Variants in MIER1 observed in about 807,000 individuals in gnomAD.
The protein encoded by MIER1 is MIER1 transcriptional regulator, also known as mesoderm induction early response protein 1.
MIER1 carries 40 observed loss-of-function variants against 75.7 expected under a neutral mutation model. That is an observed-to-expected ratio of 0.53 (90% CI 0.41 to 0.69). MIER1 has a LOEUF of 0.69. MIER1 is among the 30% of genes least tolerant of loss of function. The probability of loss-of-function intolerance (pLI) is 0.00; values close to 1 mark genes in which losing one functional copy is unlikely to be tolerated. For missense variants in MIER1, 574 were observed against 680.2 expected (o/e 0.84, Z 1.74); for synonymous variants, 213 against 223.4 (o/e 0.95, Z 0.42).
chr1:66,945,876 T>C (rs1392102091), intron 3 of MIER1, among the ~76,000 whole-genome samples: 2 of 152,198 alleles, frequency 1.3e-5, no homozygotes, highest in African/African-American at 2.4e-5. Context: ...ATTGAGACTT[T>C]TTTCCACACG....
chr1:66,925,458 C>T, intron 1 of MIER1: 3 of 985,440 alleles, frequency 3.0e-6, no homozygotes, highest in Non-Finnish European at 3.6e-6. Flanking sequence ...CCTGCTGTGG[C>T]TCCGCCTCTT....
At chr1:66,942,947 T>A (rs1051701383) in intron 3 of MIER1, among the ~76,000 whole-genome samples, 35 of 152,182 alleles carry the variant, frequency 2.3e-4, no homozygotes, top group Admixed American at 2.3e-3. Context: ...TGAATTTTTT[T>A]AAAAGTCAAT....
chr1:66,934,704 TATG>T (rs1654346181), intron 2 of MIER1, among the ~76,000 whole-genome samples: 1 of 152,164 alleles, frequency 6.6e-6, no homozygotes, highest in African/African-American at 2.4e-5. Flanking sequence ...CCTTATTTTC[TATG>T]ATATCATTTT....
chr1:66,941,800 G>A (rs1001443066), intron 3 of MIER1, among the ~76,000 whole-genome samples: 5 of 151,956 alleles, frequency 3.3e-5, no homozygotes, highest in African/African-American at 9.7e-5. Context: ...GTGAAATCTC[G>A]TCTCTTCTAA....
At chr1:66,949,278 T>A (rs1277174699) in intron 4 of MIER1, among the ~76,000 whole-genome samples, 5 of 152,178 alleles carry the variant, frequency 3.3e-5, no homozygotes, top group African/African-American at 1.2e-4. Context: ...TTTTTTCTAT[T>A]TCAGAAAATG....
chr1:66,937,653 A>G (rs1655237620), intron 2 of MIER1, among the ~76,000 whole-genome samples: 1 of 152,218 alleles, frequency 6.6e-6, no homozygotes, highest in Non-Finnish European at 1.5e-5. Context: ...ATTTTATTTC[A>G]TATCTAAATA....
chr1:66,984,344 G>A (rs1282882753), intron 13 of MIER1, among the ~76,000 whole-genome samples: 1 of 152,106 alleles, frequency 6.6e-6, no homozygotes, highest in African/African-American at 2.4e-5. Context: ...ACAACCCTGT[G>A]AGGAATATCT....
At chr1:66,930,102 C>G (rs982987759) in intron 2 of MIER1, 6 of 810,186 alleles carry the variant, frequency 7.4e-6, no homozygotes, top group African/African-American at 3.6e-5. Context: ...ACTCCGCCCC[C>G]TCCGCTCTTC....
chr1:66,985,589 A>T lies in MIER1; in HGVS notation c.*689A>T, dbSNP rs1666668419. 1 of 985,224 alleles carries T rather than the reference A, an allele frequency of 1.0e-6. No homozygotes were observed. Among genetic ancestry groups the T allele is most frequent in the South Asian group, 4.7e-5 (1 of 21,292 alleles). 61.0% of individuals were successfully genotyped at this position (985,224 alleles called of 1,614,324 possible). A position where few individuals can be genotyped will look rare whatever the true frequency, so the allele number is the denominator to read the frequency against. On this transcript the variant is annotated 3_prime_UTR_variant, in exon 14 of 14. Coordinates refer to ENST00000401041, the MANE Select transcript of MIER1 (RefSeq NM_001077700.3). Reference sequence around the variant, plus strand: ...TCTTTGTAGCCTTTGAAAGATTTTTACAGTACATATGTCTTGACTGAGCTG... The same window carrying T: ...TCTTTGTAGCCTTTGAAAGATTTTTTCAGTACATATGTCTTGACTGAGCTG...
chr1:66,957,440 G>T (rs1427731006), intron 4 of MIER1, among the ~76,000 whole-genome samples: 1 of 152,092 alleles, frequency 6.6e-6, no homozygotes, highest in Non-Finnish European at 1.5e-5. Context: ...TCGCATCTAT[G>T]AAATGGAAAT....
chr1:66,951,225 G>T (rs1379413241), intron 4 of MIER1, among the ~76,000 whole-genome samples: 1 of 151,940 alleles, frequency 6.6e-6, no homozygotes, highest in African/African-American at 2.4e-5. Context: ...ACCTTCCCAG[G>T]CTCATGTGAT....
chr1:66,925,966 T>C (rs1651641878), intron 1 of MIER1, among the ~76,000 whole-genome samples, 176 bp from the exon 2 acceptor site: 1 of 152,244 alleles, frequency 6.6e-6, no homozygotes, highest in Non-Finnish European at 1.5e-5. Context: ...TTTATTCCTT[T>C]ATCATTAGTT....
chr1:66,980,143 C>T (rs751112909), intron 12 of MIER1, among the ~76,000 whole-genome samples: 17 of 152,226 alleles, frequency 1.1e-4, no homozygotes, highest in Non-Finnish European at 2.2e-4. Context: ...CATCATGTGT[C>T]TTCTGTTAGC....
intron 4 of MIER1, chr1:66,948,071 T>C (rs1658091009): frequency 1.0e-6 from 1 of 964,326 alleles, no homozygotes; most frequent in African/African-American, 1.8e-5. Flanking sequence ...CAATTTGTAA[T>C]TGTTTGTTTA....
intron 4 of MIER1, among the ~76,000 whole-genome samples, chr1:66,948,542 T>A (rs936167517): frequency 2.6e-5 from 4 of 152,180 alleles, no homozygotes; most frequent in African/African-American, 9.7e-5. Context: ...TCTGAATAAT[T>A]TAATGTGTCA....
At chr1:66,947,083 AAGC>A (rs1657829367) in intron 4 of MIER1, 1 of 905,072 alleles carries the variant, frequency 1.1e-6, no homozygotes. Context: ...TTATTTTAAA[AAGC>A]AGATTTTTTG....
rs1292751252 is a variant in MIER1, at chr1:66,925,993, A to AAG, written c.68-148_68-147dup. On this transcript the variant is annotated intron_variant, in intron 1 of 13. Coordinates refer to ENST00000401041, the MANE Select transcript of MIER1 (RefSeq NM_001077700.3). ...TCATTAGTTACAAATTGCATGACTT[A>AAG]AGGCTCATTAAATGTTTTTCTAAAA... The AAG allele has an allele frequency of 3.4e-5, 21 of 624,334 alleles. No individual in the cohort carries two copies. In the African/African-American group the frequency reaches 3.9e-4, roughly 12 times the overall value. The allele number at this position is 624,334 out of a possible 1,614,324, so 38.7% of individuals were successfully genotyped here.
At chr1:66,972,185 T>C (rs191088662) in intron 10 of MIER1, among the ~76,000 whole-genome samples, 68 of 148,424 alleles carry the variant, frequency 4.6e-4, no homozygotes, top group African/African-American at 1.5e-3. Context: ...ATACTATATC[T>C]GGCTCCTACC....
chr1:66,931,166 G>A (rs1307802616), intron 2 of MIER1, among the ~76,000 whole-genome samples: 1 of 150,244 alleles, frequency 6.7e-6, no homozygotes, highest in Admixed American at 6.7e-5. Flanking sequence ...TCGTTTTATA[G>A]TAAACAAGTT....
Sources: allele counts gnomAD v4.1 joint callset (sites outside exome capture counted in the v4.1 genomes callset), GRCh38; gene constraint gnomAD v4.1.1; transcripts MANE v1.5; gene names NCBI Gene and HGNC (gene_info 2026-07-23, HGNC 2026-07-21).